The following HHIP variants were observed in gnomAD, a reference collection of about 807,000 sequenced individuals.
The protein encoded by HHIP is hedgehog-interacting protein.
HHIP carries 12 observed loss-of-function variants against 74.0 expected under a neutral mutation model. The ratio of observed to expected loss-of-function variants is 0.16; its 90% CI spans 0.10 to 0.26. The LOEUF is 0.26. HHIP is among the 10% of genes least tolerant of loss of function. The probability of loss-of-function intolerance (pLI) is 1.00; values close to 1 mark genes in which losing one functional copy is unlikely to be tolerated. For synonymous variants in HHIP, 309 were observed against 311.6 expected, an observed-to-expected ratio of 0.99 and a Z score of 0.09; for missense variants, 788 against 845.0, an observed-to-expected ratio of 0.93 and a Z score of 0.84.
chr4:144,706,992 G>A, intron 5 of HHIP, 95 bp from the exon 6 acceptor site: 1 of 976,064 alleles, frequency 1.0e-6, no homozygotes, highest in South Asian at 1.4e-5. Context: ...CTATGTGCCA[G>A]GAGTTTGTTT....
chr4:144,691,995 G>A (rs1374710740), intron 4 of HHIP, among the ~76,000 whole-genome samples: 1 of 152,008 alleles, frequency 6.6e-6, no homozygotes, highest in Non-Finnish European at 1.5e-5. Flanking sequence ...GCATTTCAAG[G>A]CTGGCACCAT....
intron 11 of HHIP, among the ~76,000 whole-genome samples, chr4:144,729,954 G>A (rs574024670): frequency 6.6e-6 from 1 of 152,248 alleles, no homozygotes; most frequent in South Asian, 2.1e-4. Flanking sequence ...TCATTTGGAA[G>A]GGTAGTCCTC....
chr4:144,657,434 A>G (rs1175495207), intron 2 of HHIP, among the ~76,000 whole-genome samples: 2 of 152,138 alleles, frequency 1.3e-5, no homozygotes, highest in African/African-American at 4.8e-5. Context: ...GTTATATAAA[A>G]ATAAAAACTT....
chr4:144,736,226 C>A (rs1391352762), intron 12 of HHIP, among the ~76,000 whole-genome samples: 1 of 151,456 alleles, frequency 6.6e-6, no homozygotes, highest in Non-Finnish European at 1.5e-5. Flanking sequence ...ACCTCCACCT[C>A]CTGGGTTCAA....
At chr4:144,722,827 G>T (rs1289715102) in intron 11 of HHIP, among the ~76,000 whole-genome samples, 1 of 152,072 alleles carries the variant, frequency 6.6e-6, no homozygotes, top group East Asian at 1.9e-4. Context: ...GCACACTGCA[G>T]CCTGGGCAAC....
At chr4:144,732,937 T>C (rs758497608) in intron 11 of HHIP, among the ~76,000 whole-genome samples, 3 of 152,218 alleles carry the variant, frequency 2.0e-5, no homozygotes, top group Non-Finnish European at 2.9e-5. Context: ...TGCCACTCAG[T>C]GGCCTATGAC....
chr4:144,731,569 A>G (rs1730955864), intron 11 of HHIP, among the ~76,000 whole-genome samples: 1 of 152,078 alleles, frequency 6.6e-6, no homozygotes. Flanking sequence ...ACAGACACCC[A>G]GGACGACACC....
At chr4:144,689,629 T>C (rs1319426726) in intron 4 of HHIP, among the ~76,000 whole-genome samples, 3 of 152,210 alleles carry the variant, frequency 2.0e-5, no homozygotes, top group Non-Finnish European at 4.4e-5. Context: ...AAAACAATTT[T>C]AGACCAATAT....
intron 4 of HHIP, among the ~76,000 whole-genome samples, chr4:144,694,513 C>T (rs994099120): frequency 2.6e-5 from 4 of 151,636 alleles, no homozygotes; most frequent in African/African-American, 4.8e-5. Context: ...TATATAATGA[C>T]GTGAAGATAA....
At chr4:144,708,349 CCAGGCGGGG>C in intron 7 of HHIP, 38 bp downstream of exon 7, 2 of 1,609,964 alleles carry the variant, frequency 1.2e-6, no homozygotes, top group Non-Finnish European at 8.5e-7. Context: ...GGCTTTTAAG[CCAGGCGGGG>C]ATCCGAGAAC....
chr4:144,652,888 A>AAT, intron 2 of HHIP, 91 bp downstream of exon 2: 1 of 860,574 alleles, frequency 1.2e-6, no homozygotes. Context: ...AAAACTTGTA[A>AAT]AATTTATCTT....
intron 4 of HHIP, among the ~76,000 whole-genome samples, chr4:144,666,029 A>G (rs1003543798): frequency 6.6e-6 from 1 of 152,204 alleles, no homozygotes; most frequent in Non-Finnish European, 1.5e-5. Context: ...CCGTCTTTAA[A>G]GGGCATCTCT....
At chr4:144,666,636 A>T (rs919599946) in intron 4 of HHIP, among the ~76,000 whole-genome samples, 2 of 152,184 alleles carry the variant, frequency 1.3e-5, no homozygotes, top group African/African-American at 4.8e-5. Context: ...AAGCTGCTAA[A>T]TGCTGCTATA....
rs1353654008 is a variant in HHIP, at chr4:144,706,665, G to T, written c.966G>T (p.Val322=). The change falls in exon 5 of 13, where the codon GTG becomes GTT. Residue 322 remains valine (V), a synonymous_variant. Coordinates refer to ENST00000296575, the MANE Select transcript of HHIP (RefSeq NM_022475.3). Reference sequence around the variant, plus strand: ...CTCATGACCACATTCTTAGGGTTGTGGAATACACAGTATCCAGGTATCACT... The same window carrying T: ...CTCATGACCACATTCTTAGGGTTGTTGAATACACAGTATCCAGGTATCACT... ...IGPHDHILRV[V]EYTVSRKNPH... is the part of the protein sequence containing the mutation. 1 of 1,612,370 alleles carries T rather than the reference G, an allele frequency of 6.2e-7. No individual in the cohort carries two copies. The highest frequency in any genetic ancestry group is 8.5e-7 in the Non-Finnish European group (1 of 1,179,558).
intron 5 of HHIP, 106 bp downstream of exon 5, chr4:144,706,788 G>A: frequency 9.8e-7 from 1 of 1,019,510 alleles, no homozygotes; most frequent in Non-Finnish European, 1.4e-6. Context: ...CCATAAGGTG[G>A]CAATAATTAA....
At chr4:144,656,267 C>A (rs1728554906) in intron 2 of HHIP, among the ~76,000 whole-genome samples, 1 of 152,152 alleles carries the variant, frequency 6.6e-6, no homozygotes. Context: ...TTGGTTTTCA[C>A]ACTTAGGTTA....
intron 4 of HHIP, among the ~76,000 whole-genome samples, chr4:144,690,537 A>C (rs1219044748): frequency 1.3e-5 from 2 of 152,230 alleles, no homozygotes; most frequent in African/African-American, 4.8e-5. Flanking sequence ...GGAACAAACA[A>C]ATGCAAATGC....
At chr4:144,734,653 A>AT in intron 11 of HHIP, 88 bp from the exon 12 acceptor site, 1 of 1,091,806 alleles carries the variant, frequency 9.2e-7, no homozygotes, top group East Asian at 2.6e-5. Flanking sequence ...AGTAAGAGGC[A>AT]TGCTTTGTAA....
At chr4:144,733,419 C>T (rs1731015133) in intron 11 of HHIP, among the ~76,000 whole-genome samples, 1 of 152,104 alleles carries the variant, frequency 6.6e-6, no homozygotes, top group South Asian at 2.1e-4. Flanking sequence ...TTGTTTTTAA[C>T]ATATATGGTT....
Sources: allele counts gnomAD v4.1 joint callset (sites outside exome capture counted in the v4.1 genomes callset), GRCh38; gene constraint gnomAD v4.1.1; transcripts MANE v1.5; gene names NCBI Gene and HGNC (gene_info 2026-07-23, HGNC 2026-07-21).